ZNF330: variants seen among roughly 807,000 people sequenced by gnomAD.
ZNF330 encodes zinc finger protein 330.
In ZNF330, 31 loss-of-function variants were observed where a neutral mutation model predicts 45.5. That is an observed-to-expected ratio of 0.68 (90% confidence interval 0.51 to 0.92). The LOEUF (loss-of-function observed/expected upper bound fraction) is 0.92, where lower values mean the gene tolerates loss of function less well. Among genes scored for constraint, ZNF330 ranks in the 40% least tolerant of loss-of-function variants. ZNF330 has a pLI of 0.00. For missense variants in ZNF330, 356 were observed against 387.4 expected (o/e 0.92, Z 0.68); for synonymous variants, 138 against 123.2 (o/e 1.12, Z -0.79).
intron 4 of ZNF330, among the ~76,000 whole-genome samples, chr4:141,225,683 A>G (rs1242848109): frequency 6.6e-6 from 1 of 152,124 alleles, no homozygotes; most frequent in African/African-American, 2.4e-5. Context: ...GATCTTTTCA[A>G]TTCCACAATT....
In ZNF330 at chr4:141,226,798, CTG is replaced by C. The variant is rs755495839; in HGVS notation, c.247_248del (p.Val83HisfsTer19). 11 of 1,612,910 alleles carry C rather than the reference CTG, an allele frequency of 6.8e-6. No individual in the cohort carries two copies. The Admixed American group carries it at 1.3e-4, about 20-fold the overall frequency. On this transcript the variant is annotated frameshift_variant, in exon 5 of 10. Coordinates refer to ENST00000262990, the MANE Select transcript of ZNF330 (RefSeq NM_014487.6). LOFTEE classifies it high-confidence loss of function. ...CAAAGTGCATGATGAAGTCTTCAGA[CTG>C]TGTCATAAAGCATGCTGGTGTATAC... The part of the protein sequence containing the change: ...KTKCMMKSSD[C>X]VIKHAGVYST...
chr4:141,220,991 A>G lies in ZNF330; in HGVS notation c.-124A>G, dbSNP rs1728660207. The G allele has an allele frequency of 6.6e-6, 1 of 152,322 alleles. No individual in the cohort carries two copies. The highest frequency in any genetic ancestry group is 6.5e-5 in the Admixed American group (1 of 15,290). 9.4% of individuals were successfully genotyped at this position (152,322 alleles called of 1,614,324 possible). A position where few individuals can be genotyped will look rare whatever the true frequency, so the allele number is the denominator to read the frequency against. ...ACCTTCTTTCCCGGAGTCCTGGTCC[A>G]CGAGTTGGATTTACTGCTGTCGCGG... On this transcript the variant is annotated 5_prime_UTR_variant, in exon 1 of 10. Transcript: ENST00000262990.
chr4:141,233,947 C>T lies in ZNF330; in HGVS notation c.921C>T (p.Thr307=). 3 of 1,613,594 alleles carry T rather than the reference C, an allele frequency of 1.9e-6. No individual in the cohort carries two copies. Among genetic ancestry groups the T allele is most frequent in the South Asian group, 1.1e-5 (1 of 91,044 alleles). Residue 307 remains threonine (T), a synonymous_variant, in exon 10 of 10, where the codon ACC becomes ACT. Coordinates refer to ENST00000262990, the MANE Select transcript of ZNF330 (RefSeq NM_014487.6). ...DLFTNLNLGR[T]YASGYAHYEE... is the part of the protein sequence containing the mutation. ...TTACTAATTTGAATTTAGGAAGGAC[C>T]TATGCTAGTGGCTATGCTCACTATG... is the stretch of plus-strand genomic sequence containing the variant.
chr4:141,229,482 T>C, intron 5 of ZNF330, 89 bp from the exon 6 acceptor site: 2 of 1,537,696 alleles, frequency 1.3e-6, no homozygotes, highest in East Asian at 2.3e-5. Context: ...AATTGCTAAA[T>C]GTATACAGTT....
intron 9 of ZNF330, 118 bp from the exon 10 acceptor site, chr4:141,233,597 C>T: frequency 7.0e-7 from 1 of 1,428,402 alleles, no homozygotes; most frequent in South Asian, 1.6e-5. Context: ...GAAAATGTGA[C>T]CTATTTTTTC....
chr4:141,230,777 G>A (rs1409689388), intron 7 of ZNF330, among the ~76,000 whole-genome samples: 1 of 152,064 alleles, frequency 6.6e-6, no homozygotes, highest in East Asian at 1.9e-4. Context: ...CGTGGTGGGT[G>A]CCAGGCACCT....
intron 2 of ZNF330, among the ~76,000 whole-genome samples, chr4:141,223,362 A>ATCTTT (rs376309044): frequency 0.32 from 49,123 of 152,114 alleles, 9,002 homozygotes; most frequent in East Asian, 0.61. Context: ...AAGGGGAAGG[A>ATCTTT]TATACCTGGG....
At chr4:141,232,475 T>C (rs1171469091) in intron 8 of ZNF330, 50 bp from the exon 9 acceptor site, 3 of 1,038,398 alleles carry the variant, frequency 2.9e-6, no homozygotes, top group Non-Finnish European at 4.0e-6. Flanking sequence ...TGTCTTTTTG[T>C]ATATTTTTAC....
At chr4:141,233,289 A>G (rs1384231426) in intron 9 of ZNF330, among the ~76,000 whole-genome samples, 1 of 152,122 alleles carries the variant, frequency 6.6e-6, no homozygotes, top group Non-Finnish European at 1.5e-5. Context: ...GATCTTCTGC[A>G]CTGAACTTTG....
At position 141,234,002 on chromosome 4, in the gene ZNF330, G is replaced by A. The variant is rs145524290; in HGVS notation, c.*13G>A. The A allele has an allele frequency of 1.2e-6, 2 of 1,602,604 alleles. No individual in the cohort carries two copies. Among genetic ancestry groups the A allele is most frequent in the Non-Finnish European group, 1.7e-6 (2 of 1,174,056 alleles). ...ACAAGAGAACTAGGGGAGCTGCTCT[G>A]GTGGCCGTGTGTGAGAGGAGCAGGA... On this transcript the variant is annotated 3_prime_UTR_variant, in exon 10 of 10. Coordinates refer to ENST00000262990, the MANE Select transcript of ZNF330 (RefSeq NM_014487.6).
In ZNF330 at chr4:141,231,203, C is replaced by T. The variant is rs547582542; in HGVS notation, c.524-236C>T. Among the ~76,000 whole-genome samples the T allele has an allele frequency of 1.3e-5, 2 of 152,070 alleles. 1 individual carries two copies. The highest frequency in any genetic ancestry group is 4.1e-4 in the South Asian group (2 of 4,820). On this transcript the variant is annotated intron_variant, in intron 7 of 9. Coordinates refer to ENST00000262990, the MANE Select transcript of ZNF330 (RefSeq NM_014487.6). ...AAATTCTCAGATTAAAAGAGCATCT[C>T]GAAGTATATAGCATTTTTGAGCCTT...
intron 1 of ZNF330, 59 bp from the exon 2 acceptor site, chr4:141,222,307 T>C (rs1728698375): frequency 1.3e-6 from 2 of 1,565,036 alleles, no homozygotes; most frequent in Non-Finnish European, 1.7e-6. Context: ...TCTTAGTTTA[T>C]TAAAATAGTA....
Position 141,229,452 on chromosome 4 carries a change from A to C in ZNF330, c.292-119A>C, listed in dbSNP as rs985976225. 7 of 1,282,246 alleles carry C rather than the reference A, an allele frequency of 5.5e-6. No individual in the cohort carries two copies. The African/African-American group carries it at 8.9e-5, about 16-fold the overall frequency. 79.4% of individuals were successfully genotyped at this position (1,282,246 alleles called of 1,614,324 possible). ...GTAAAATGTTTAAATGAAGCGGCCTACTATCATTGAGGGTTGATAAATTGC... is the reference window on the plus strand; with the variant it reads ...GTAAAATGTTTAAATGAAGCGGCCTCCTATCATTGAGGGTTGATAAATTGC... On this transcript the variant is annotated intron_variant, in intron 5 of 9. Transcript: ENST00000262990.
intron 2 of ZNF330, among the ~76,000 whole-genome samples, chr4:141,223,074 A>G (rs1728722773): frequency 6.6e-6 from 1 of 151,730 alleles, no homozygotes; most frequent in Admixed American, 6.6e-5. Context: ...CACTGTTCCT[A>G]TTTTTTCCTT....
chr4:141,231,314 C>T (rs1728949403), intron 7 of ZNF330, 125 bp from the exon 8 acceptor site: 1 of 642,770 alleles, frequency 1.6e-6, no homozygotes, highest in Admixed American at 3.2e-5. Flanking sequence ...AGCATTTGAA[C>T]CCAAAAGACA....
At chr4:141,231,612 TTATTTTTGAGAC>T in intron 8 of ZNF330, 127 bp downstream of exon 8, 1 of 619,082 alleles carries the variant, frequency 1.6e-6, no homozygotes, top group Non-Finnish European at 2.6e-6. Context: ...TCTAATTCTT[TTATTTTTGAGAC>T]TGTGGAATTG....
chr4:141,231,595 T>C (rs1728960189), intron 8 of ZNF330, 110 bp downstream of exon 8: 1 of 716,870 alleles, frequency 1.4e-6, no homozygotes, highest in Admixed American at 3.0e-5. Flanking sequence ...ACCTTAAAAT[T>C]ATGTAGTCTA....
intron 2 of ZNF330, chr4:141,222,734 A>C (rs1728712604): frequency 3.8e-6 from 1 of 264,256 alleles, no homozygotes; most frequent in African/African-American, 2.2e-5. Flanking sequence ...ATATTGGACA[A>C]GAATAGATAA....
chr4:141,223,862 C>T (rs1199313722), intron 2 of ZNF330: 1 of 449,978 alleles, frequency 2.2e-6, no homozygotes, highest in Non-Finnish European at 4.5e-6. Context: ...GTAGGAGGCA[C>T]TTTTCAGGGA....
Sources: gnomAD v4.1 joint callset for allele counts (sites outside exome capture counted in the v4.1 genomes callset) on GRCh38, gnomAD v4.1.1 for gene constraint, MANE v1.5 for transcripts, NCBI Gene and HGNC (gene_info 2026-07-23, HGNC 2026-07-21) for gene names.